Variants in ROR2 observed in about 807,000 individuals in gnomAD.
ROR2 encodes tyrosine-protein kinase transmembrane receptor ROR2.
A neutral mutation model predicts 74.9 loss-of-function variants in ROR2; 33 were observed. The observed-to-expected ratio is 0.44, with a 90% CI of 0.33 to 0.59. The LOEUF is 0.59. Among genes scored for constraint, ROR2 ranks in the 20% least tolerant of loss-of-function variants. The pLI is 0.02. For synonymous variants in ROR2, 586 were observed against 558.7 expected (o/e 1.05, Z -0.69); for missense variants, 1,216 against 1,313.8 (o/e 0.93, Z 1.15).
At chr9:91,865,375 G>A (rs1829598265) in intron 1 of ROR2, among the ~76,000 whole-genome samples, 1 of 152,166 alleles carries the variant, frequency 6.6e-6, no homozygotes, top group Admixed American at 6.5e-5. Context: ...GTGAAACCAC[G>A]TTTTGGCTTT....
chr9:91,746,774 G>A (rs1419479772), intron 4 of ROR2, among the ~76,000 whole-genome samples: 1 of 152,172 alleles, frequency 6.6e-6, no homozygotes, highest in African/African-American at 2.4e-5. Flanking sequence ...ACAGGGCCAT[G>A]GCCCCAGGAA....
At chr9:91,879,679 T>G (rs1033945404) in intron 1 of ROR2, among the ~76,000 whole-genome samples, 6 of 152,000 alleles carry the variant, frequency 3.9e-5, no homozygotes, top group African/African-American at 1.5e-4. Flanking sequence ...TTCTATATAT[T>G]AAGTAATGCA....
rs1283403410 is a variant in ROR2 at position 91,872,337 on chromosome 9, G to A, written c.97+77530C>T. 2.6e-5 allele frequency among the ~76,000 whole-genome samples: 4 copies of A among 152,120 alleles called. No individual in the cohort carries two copies. In the East Asian group the frequency reaches 5.8e-4, roughly 22 times the overall value. On this transcript the variant is annotated intron_variant, in intron 1 of 8. Coordinates refer to ENST00000375708, the MANE Select transcript of ROR2 (RefSeq NM_004560.4). ...CACCGTTCGTCCTGGGGTGCATCTC[G>A]TCGTTTTAACTGTGAATGATGCACC...
At chr9:91,753,844 T>C (rs1825661220) in intron 4 of ROR2, among the ~76,000 whole-genome samples, 1 of 152,238 alleles carries the variant, frequency 6.6e-6, no homozygotes, top group African/African-American at 2.4e-5. Flanking sequence ...GGTATTTCTT[T>C]TTAAAAATAT....
At chr9:91,945,002 G>C (rs1831975356) in intron 1 of ROR2, among the ~76,000 whole-genome samples, 1 of 152,042 alleles carries the variant, frequency 6.6e-6, no homozygotes, top group South Asian at 2.1e-4. Context: ...GCTTAGCCCA[G>C]GAGGTTAAGG....
chr9:91,734,993 T>G lies in ROR2; in HGVS notation c.623-1557A>C, dbSNP rs184962580. ...CCTGTTCAATCCCATCATTACAGAT[T>G]TGGGATTATATGGATGGCTGTCAAA... On this transcript the variant is annotated intron_variant, in intron 5 of 8. Transcript: ENST00000375708. 2.8e-4 allele frequency among the ~76,000 whole-genome samples: 42 copies of G among 152,148 alleles called. No homozygotes were observed. The East Asian group carries it at 4.3e-3, about 15-fold the overall frequency.
intron 1 of ROR2, among the ~76,000 whole-genome samples, chr9:91,900,897 C>CA (rs1830661686): frequency 6.6e-6 from 1 of 152,220 alleles, no homozygotes; most frequent in South Asian, 2.1e-4. Flanking sequence ...AACTAGGAAG[C>CA]AAAGTTCTGG....
At chr9:91,727,533 G>A (rs1341084818) in intron 7 of ROR2, among the ~76,000 whole-genome samples, 2 of 152,088 alleles carry the variant, frequency 1.3e-5, no homozygotes, top group Admixed American at 1.3e-4. Flanking sequence ...AGGCAGGGCT[G>A]GCTCCTCCCA....
At chr9:91,758,934 T>C (rs1825836562) in intron 2 of ROR2, among the ~76,000 whole-genome samples, 1 of 152,216 alleles carries the variant, frequency 6.6e-6, no homozygotes, top group Non-Finnish European at 1.5e-5. Context: ...GGAAAACTAA[T>C]GTTGGACAAG....
At chr9:91,826,855 T>C (rs572651082) in intron 1 of ROR2, among the ~76,000 whole-genome samples, 2 of 152,132 alleles carry the variant, frequency 1.3e-5, no homozygotes, top group East Asian at 3.9e-4. Flanking sequence ...CTGCATCCAG[T>C]AACATTTTGA....
chr9:91,881,691 G>A (rs975540827), intron 1 of ROR2, among the ~76,000 whole-genome samples: 17 of 152,278 alleles, frequency 1.1e-4, no homozygotes, highest in Non-Finnish European at 2.5e-4. Flanking sequence ...AAATTAGGGA[G>A]GACGAGCACT....
rs748497597 is a variant in ROR2 at position 91,726,545 on chromosome 9, T to C, written c.1382A>G (p.Lys461Arg). 1.2e-6 allele frequency: 2 copies of C among 1,612,070 alleles called. No homozygotes were observed. The highest frequency in any genetic ancestry group is 2.7e-5 in the African/African-American group (2 of 74,864). The change falls in exon 8 of 9, where the codon AAA becomes AGA. Residue 461 changes from lysine to arginine, a missense_variant. Lys to Arg is a conservative substitution (Grantham distance 26). Coordinates refer to ENST00000375708, the MANE Select transcript of ROR2 (RefSeq NM_004560.4). ...DMEMPLINQHKQAKLKEISLS... is the reference protein window; with the variant it reads ...DMEMPLINQHRQAKLKEISLS... Reference sequence around the variant, plus strand: ...GAAAATGTAAGGCATGGAGACCTGTTTGTGCTGGTTAATGAGGGGCATTTC... The same window carrying C: ...GAAAATGTAAGGCATGGAGACCTGTCTGTGCTGGTTAATGAGGGGCATTTC...
At chr9:91,908,043 A>C (rs1830863596) in intron 1 of ROR2, among the ~76,000 whole-genome samples, 1 of 152,230 alleles carries the variant, frequency 6.6e-6, no homozygotes, top group African/African-American at 2.4e-5. Context: ...TGGGAACTGC[A>C]AATGCCGCAA....
intron 1 of ROR2, among the ~76,000 whole-genome samples, chr9:91,859,088 C>G (rs1285764127): frequency 6.6e-6 from 1 of 152,074 alleles, no homozygotes; most frequent in African/African-American, 2.4e-5. Flanking sequence ...CAAGGCCCAG[C>G]CTGGTCAGTC....
At chr9:91,852,040 A>G (rs1481640285) in intron 1 of ROR2, among the ~76,000 whole-genome samples, 1 of 149,726 alleles carries the variant, frequency 6.7e-6, no homozygotes, top group Admixed American at 6.7e-5. Flanking sequence ...CAAATTTTTC[A>G]GTGAAGTCTC....
At chr9:91,856,784 G>C (rs1829303830) in intron 1 of ROR2, among the ~76,000 whole-genome samples, 2 of 152,224 alleles carry the variant, frequency 1.3e-5, no homozygotes, top group Admixed American at 1.3e-4. Flanking sequence ...CTCCTAAACA[G>C]ATGGCCCATA....
intron 1 of ROR2, among the ~76,000 whole-genome samples, chr9:91,837,589 T>C (rs1236962110): frequency 6.6e-6 from 1 of 152,218 alleles, no homozygotes; most frequent in Non-Finnish European, 1.5e-5. Context: ...CTTAAGGGGC[T>C]TGGGGAAGAA....
At chr9:91,823,209 T>C (rs1490588739) in intron 1 of ROR2, among the ~76,000 whole-genome samples, 1 of 152,228 alleles carries the variant, frequency 6.6e-6, no homozygotes, top group Admixed American at 6.5e-5. Context: ...CTGTTAATTT[T>C]GTTCCATGTA....
chr9:91,900,477 C>T (rs1293546623), intron 1 of ROR2, among the ~76,000 whole-genome samples: 1 of 152,186 alleles, frequency 6.6e-6, no homozygotes, highest in Non-Finnish European at 1.5e-5. Context: ...GGCAGGGACA[C>T]GAGGGCGCCG....
Sources: allele counts gnomAD v4.1 joint callset (sites outside exome capture counted in the v4.1 genomes callset), GRCh38; gene constraint gnomAD v4.1.1; transcripts MANE v1.5; gene names NCBI Gene and HGNC (gene_info 2026-07-23, HGNC 2026-07-21).